Variants in NKAIN2 observed in about 807,000 individuals in gnomAD.
NKAIN2 encodes sodium/potassium transporting ATPase interacting 2, also known as sodium/potassium-transporting ATPase subunit beta-1-interacting protein 2.
Under a neutral mutation model 32.6 loss-of-function variants are expected in NKAIN2, and 14 were observed. The ratio of observed to expected loss-of-function variants is 0.43; its 90% CI spans 0.28 to 0.67. The LOEUF (loss-of-function observed/expected upper bound fraction) is 0.67. Ranked by LOEUF, NKAIN2 falls within the 30% of genes least tolerant of loss-of-function variation. The pLI, the probability that NKAIN2 is intolerant of heterozygous loss-of-function variation, is 0.17. For synonymous variants in NKAIN2, 80 were observed against 87.2 expected, an observed-to-expected ratio of 0.92 and a Z score of 0.46; for missense variants, 198 against 258.3, an observed-to-expected ratio of 0.77 and a Z score of 1.60.
chr6:123,849,422 G>A (rs1775223973), intron 1 of NKAIN2, among the ~76,000 whole-genome samples: 1 of 152,190 alleles, frequency 6.6e-6, no homozygotes, highest in South Asian at 2.1e-4. Context: ...TGGGTGTAAT[G>A]TAACTTAGTT....
chr6:124,108,322 A>T (rs904148278), intron 1 of NKAIN2, among the ~76,000 whole-genome samples: 4 of 152,090 alleles, frequency 2.6e-5, no homozygotes, highest in African/African-American at 9.7e-5. Context: ...ATCGTCTCTG[A>T]AGAAACATCT....
At chr6:124,717,169 G>A (rs1775793798) in intron 4 of NKAIN2, among the ~76,000 whole-genome samples, 1 of 152,084 alleles carries the variant, frequency 6.6e-6, no homozygotes, top group Admixed American at 6.5e-5. Context: ...CAGTTAAAAT[G>A]GGATTTTAAA....
intron 1 of NKAIN2, among the ~76,000 whole-genome samples, chr6:123,943,994 A>G (rs935551999): frequency 8.5e-5 from 13 of 152,152 alleles, no homozygotes; most frequent in African/African-American, 3.1e-4. Context: ...TTAGATAAAT[A>G]TTATTTGCAG....
At chr6:124,565,780 C>T (rs1182871094) in intron 3 of NKAIN2, among the ~76,000 whole-genome samples, 2 of 152,138 alleles carry the variant, frequency 1.3e-5, no homozygotes, top group African/African-American at 4.8e-5. Context: ...GATTTCTATG[C>T]AAGGGTCTTA....
chr6:123,898,037 C>G (rs1464635536), intron 1 of NKAIN2, among the ~76,000 whole-genome samples: 5 of 152,146 alleles, frequency 3.3e-5, no homozygotes, highest in African/African-American at 4.8e-5. Flanking sequence ...TAGATGTCCT[C>G]TAATCATACA....
At chr6:123,815,299 C>T (rs1773646727) in intron 1 of NKAIN2, among the ~76,000 whole-genome samples, 1 of 152,098 alleles carries the variant, frequency 6.6e-6, no homozygotes, top group South Asian at 2.1e-4. Context: ...TTTATACTTA[C>T]TGTAAATAAG....
At chr6:124,761,471 T>G (rs1005603844) in intron 4 of NKAIN2, among the ~76,000 whole-genome samples, 2 of 152,210 alleles carry the variant, frequency 1.3e-5, no homozygotes, top group African/African-American at 4.8e-5. Flanking sequence ...TTTCTGCCCC[T>G]TATCAGTGGG....
intron 3 of NKAIN2, among the ~76,000 whole-genome samples, chr6:124,540,142 A>G (rs143094815): frequency 5.2e-5 from 8 of 152,390 alleles, no homozygotes; most frequent in Middle Eastern, 6.8e-3. Context: ...TGATGTAGCC[A>G]TAAAGCATAG....
Position 124,210,593 on chromosome 6 carries a change from C to A in NKAIN2, c.55-72412C>A, listed in dbSNP as rs151131303. 8.9e-3 allele frequency among the ~76,000 whole-genome samples: 1,359 copies of A among 151,848 alleles called. 11 individuals are homozygous for A. The highest frequency in any genetic ancestry group is 0.014 in the Non-Finnish European group (946 of 67,798). ...ATCTTTCATTCTTTTGTGTCCTCTT[C>A]AATTTCCTTCATCAATATTTTACAG... On this transcript the variant is annotated intron_variant, in intron 1 of 6. Coordinates refer to ENST00000368417, the MANE Select transcript of NKAIN2 (RefSeq NM_001040214.3).
chr6:124,272,164 T>A (rs1216268044), intron 1 of NKAIN2, among the ~76,000 whole-genome samples: 2 of 152,200 alleles, frequency 1.3e-5, no homozygotes, highest in African/African-American at 2.4e-5. Flanking sequence ...GAGCCAAGTG[T>A]TAATCGCTAA....
At chr6:124,047,203 A>G (rs1782180967) in intron 1 of NKAIN2, among the ~76,000 whole-genome samples, 2 of 152,030 alleles carry the variant, frequency 1.3e-5, no homozygotes, top group African/African-American at 2.4e-5. Flanking sequence ...TGGGTTTGCC[A>G]TATGACACAG....
intron 3 of NKAIN2, among the ~76,000 whole-genome samples, chr6:124,359,833 G>A (rs977376015): frequency 2.6e-5 from 4 of 152,142 alleles, no homozygotes; most frequent in South Asian, 2.1e-4. Context: ...GTGAGAGAGG[G>A]CATCCCTGTC....
At chr6:124,346,774 T>A (rs979462723) in intron 2 of NKAIN2, among the ~76,000 whole-genome samples, 1 of 152,046 alleles carries the variant, frequency 6.6e-6, no homozygotes, top group African/African-American at 2.4e-5. Context: ...ATGATGGGTC[T>A]TGACTCTTTA....
chr6:124,639,122 C>A (rs1053482625), intron 3 of NKAIN2, among the ~76,000 whole-genome samples: 2 of 151,962 alleles, frequency 1.3e-5, no homozygotes, highest in African/African-American at 2.4e-5. Context: ...CTCTTATACA[C>A]CATTGGTGGG....
chr6:124,539,023 C>T (rs1263823513), intron 3 of NKAIN2, among the ~76,000 whole-genome samples: 2 of 152,114 alleles, frequency 1.3e-5, no homozygotes, highest in Non-Finnish European at 2.9e-5. Context: ...TTGTCAGACT[C>T]ATCCATGGAA....
chr6:124,228,307 T>A (rs1317327097), intron 1 of NKAIN2, among the ~76,000 whole-genome samples: 1 of 152,168 alleles, frequency 6.6e-6, no homozygotes, highest in Non-Finnish European at 1.5e-5. Context: ...CTGGCTATTT[T>A]TTGCCATATG....
At chr6:123,864,368 A>T (rs915738068) in intron 1 of NKAIN2, among the ~76,000 whole-genome samples, 5 of 152,176 alleles carry the variant, frequency 3.3e-5, no homozygotes, top group African/African-American at 1.2e-4. Flanking sequence ...TAAATGTAAG[A>T]TTTATTCATT....
At chr6:123,903,753 C>T (rs1037144601) in intron 1 of NKAIN2, among the ~76,000 whole-genome samples, 1 of 151,976 alleles carries the variant, frequency 6.6e-6, no homozygotes, top group African/African-American at 2.4e-5. Flanking sequence ...AGGCTATGAC[C>T]AAAATTTAGT....
At chr6:124,360,117 T>C (rs531393202) in intron 3 of NKAIN2, among the ~76,000 whole-genome samples, 16 of 152,336 alleles carry the variant, frequency 1.1e-4, no homozygotes, top group African/African-American at 3.8e-4. Flanking sequence ...ATCCCAGGGA[T>C]GAAGCCCACT....
Sources: gnomAD v4.1 joint callset for allele counts (sites outside exome capture counted in the v4.1 genomes callset) on GRCh38, gnomAD v4.1.1 for gene constraint, MANE v1.5 for transcripts, NCBI Gene and HGNC (gene_info 2026-07-23, HGNC 2026-07-21) for gene names.